The following GRID2 variants were observed in gnomAD, a reference collection of about 807,000 sequenced individuals.
GRID2 encodes the protein glutamate ionotropic receptor delta type subunit 2.
In GRID2, 33 loss-of-function variants were observed where a neutral mutation model predicts 114.8. That is an observed-to-expected ratio of 0.29 (90% CI 0.22 to 0.38). The LOEUF (loss-of-function observed/expected upper bound fraction) is 0.38. Among genes scored for constraint, GRID2 ranks in the 10% least tolerant of loss-of-function variants. The pLI, the probability that GRID2 is intolerant of heterozygous loss-of-function variation, is 1.00. For synonymous variants in GRID2, 505 were observed against 449.9 expected (o/e 1.12, Z -1.55); for missense variants, 1,184 against 1,257.7 (o/e 0.94, Z 0.89).
At chr4:93,787,029 G>T (rs996760672) in intron 1 of GRID2, among the ~76,000 whole-genome samples, 4 of 151,722 alleles carry the variant, frequency 2.6e-5, no homozygotes, top group Non-Finnish European at 5.9e-5. Context: ...AATCTCAGTG[G>T]CTTGATCTAA....
chr4:92,940,765 T>A (rs1384849976), intron 2 of GRID2, among the ~76,000 whole-genome samples: 1 of 151,924 alleles, frequency 6.6e-6, no homozygotes, highest in Non-Finnish European at 1.5e-5. Flanking sequence ...TTATTGAGAG[T>A]TTTTAGCATG....
At chr4:92,684,067 T>C (rs150550858) in intron 2 of GRID2, among the ~76,000 whole-genome samples, 97 of 152,032 alleles carry the variant, frequency 6.4e-4, no homozygotes, top group African/African-American at 2.0e-3. Context: ...AAAATAAATA[T>C]AAAAGGTTTA....
At chr4:93,140,532 A>G (rs1426368114) in intron 4 of GRID2, among the ~76,000 whole-genome samples, 4 of 152,094 alleles carry the variant, frequency 2.6e-5, no homozygotes, top group Non-Finnish European at 4.4e-5. Context: ...ATACAACTTC[A>G]TCTATTCCTC....
intron 2 of GRID2, among the ~76,000 whole-genome samples, chr4:92,675,179 T>C (rs1316117753): frequency 6.6e-6 from 1 of 152,164 alleles, no homozygotes; most frequent in African/African-American, 2.4e-5. Flanking sequence ...TGCTTCTAAG[T>C]GTGGCACTTC....
At chr4:93,245,331 A>G (rs996960242) in intron 8 of GRID2, among the ~76,000 whole-genome samples, 2 of 152,148 alleles carry the variant, frequency 1.3e-5, no homozygotes, top group Non-Finnish European at 2.9e-5. Context: ...TACATGAAAC[A>G]TAATTATTTG....
intron 14 of GRID2, among the ~76,000 whole-genome samples, chr4:93,677,248 G>T (rs1193630203): frequency 3.3e-5 from 5 of 152,234 alleles, no homozygotes; most frequent in Non-Finnish European, 5.9e-5. Flanking sequence ...CATTGCCCAG[G>T]CTCCCTTAGG....
At chr4:93,443,092 G>A (rs939436094) in intron 10 of GRID2, among the ~76,000 whole-genome samples, 3 of 151,748 alleles carry the variant, frequency 2.0e-5, no homozygotes, top group African/African-American at 4.8e-5. Context: ...TCTCTCTTTA[G>A]GACTATTTCA....
At chr4:93,342,818 G>A (rs892697283) in intron 8 of GRID2, among the ~76,000 whole-genome samples, 1 of 152,132 alleles carries the variant, frequency 6.6e-6, no homozygotes, top group East Asian at 1.9e-4. Context: ...CATTAAATTA[G>A]GCCTGCTTAT....
intron 1 of GRID2, among the ~76,000 whole-genome samples, chr4:92,428,844 T>C (rs1732293354): frequency 6.6e-6 from 1 of 152,194 alleles, no homozygotes; most frequent in Non-Finnish European, 1.5e-5. Context: ...ATTATGAATT[T>C]ATTTATATAC....
At chr4:93,560,277 G>A (rs1293498401) in intron 13 of GRID2, among the ~76,000 whole-genome samples, 1 of 138,410 alleles carries the variant, frequency 7.2e-6, no homozygotes, top group Non-Finnish European at 1.6e-5. Flanking sequence ...CTAAGACTGA[G>A]TGATTTATAA....
chr4:93,294,084 A>G (rs892301181), intron 8 of GRID2, among the ~76,000 whole-genome samples: 5 of 152,220 alleles, frequency 3.3e-5, no homozygotes, highest in Admixed American at 2.6e-4. Context: ...TGATGAGGTG[A>G]TACTGGAGCA....
chr4:93,136,120 G>A (rs1233501697), intron 4 of GRID2, among the ~76,000 whole-genome samples: 1 of 151,962 alleles, frequency 6.6e-6, no homozygotes, highest in African/African-American at 2.4e-5. Flanking sequence ...ATGTCCAGGC[G>A]GTTGTATAGC....
At chr4:92,876,391 G>C (rs951033010) in intron 2 of GRID2, among the ~76,000 whole-genome samples, 3 of 151,820 alleles carry the variant, frequency 2.0e-5, no homozygotes, top group Non-Finnish European at 4.4e-5. Context: ...CTCCGCCCCA[G>C]CCTCCAGAGT....
At chr4:93,181,725 A>G (rs1201096813) in intron 4 of GRID2, among the ~76,000 whole-genome samples, 1 of 152,162 alleles carries the variant, frequency 6.6e-6, no homozygotes, top group African/African-American at 2.4e-5. Context: ...ACTAGCTTCC[A>G]ACTTACCTTC....
At chr4:93,152,793 A>G (rs1369455595) in intron 4 of GRID2, among the ~76,000 whole-genome samples, 3 of 152,134 alleles carry the variant, frequency 2.0e-5, no homozygotes, top group African/African-American at 7.2e-5. Flanking sequence ...GAAAGGGAAG[A>G]TATAATTTAT....
chr4:93,349,371 C>A (rs1760564391), intron 8 of GRID2, among the ~76,000 whole-genome samples: 1 of 151,784 alleles, frequency 6.6e-6, no homozygotes, highest in African/African-American at 2.4e-5. Flanking sequence ...ACTTTTTTTT[C>A]TTTTACCATC....
At chr4:92,865,144 A>T (rs372766963) in intron 2 of GRID2, among the ~76,000 whole-genome samples, 1 of 152,178 alleles carries the variant, frequency 6.6e-6, no homozygotes. Flanking sequence ...TCCCCTTTGT[A>T]TATAATCCCT....
chr4:92,323,263 C>T (rs962498335), intron 1 of GRID2, among the ~76,000 whole-genome samples: 2 of 151,988 alleles, frequency 1.3e-5, no homozygotes, highest in South Asian at 4.1e-4. Context: ...TTAGCCTTAA[C>T]GGTTAAGGTT....
intron 1 of GRID2, among the ~76,000 whole-genome samples, chr4:92,526,919 C>T (rs1725071189): frequency 6.6e-6 from 1 of 152,046 alleles, no homozygotes; most frequent in Non-Finnish European, 1.5e-5. Context: ...ATGAATTTAT[C>T]ATCATGTAGC....
Sources: allele counts gnomAD v4.1 joint callset (sites outside exome capture counted in the v4.1 genomes callset), GRCh38; gene constraint gnomAD v4.1.1; transcripts MANE v1.5; gene names NCBI Gene and HGNC (gene_info 2026-07-23, HGNC 2026-07-21).